Variants in ZNF385D observed in about 807,000 individuals in gnomAD.
The protein encoded by ZNF385D is zinc finger protein 385D, also known as zinc finger protein 659.
A neutral mutation model predicts 35.8 loss-of-function variants in ZNF385D; 15 were observed. The observed-to-expected ratio is 0.42, with a 90% confidence interval of 0.28 to 0.64. ZNF385D has a LOEUF of 0.64. ZNF385D is among the 30% of genes least tolerant of loss of function. The probability of loss-of-function intolerance (pLI) is 0.23; values close to 1 mark genes in which losing one functional copy is unlikely to be tolerated. For synonymous variants in ZNF385D, 212 were observed against 186.8 expected, an observed-to-expected ratio of 1.13 and a Z score of -1.10; for missense variants, 474 against 494.6, an observed-to-expected ratio of 0.96 and a Z score of 0.39.
At chr3:21,856,303 C>T (rs567910705) in intron 3 of ZNF385D, among the ~76,000 whole-genome samples, 1 of 152,034 alleles carries the variant, frequency 6.6e-6, no homozygotes, top group Non-Finnish European at 1.5e-5. Context: ...CCATGGACCC[C>T]TCTACTTTTC....
chr3:22,217,546 T>C lies in ZNF385D; in HGVS notation c.107-48511A>G, dbSNP rs376571592. ...GGTTATATTTTGAAGTACTGGATGT[T>C]GGGACTTTAACACATGAGCTTTTAT... On this transcript the variant is annotated intron_variant, in intron 2 of 5. Transcript: ENST00000494108. Among the ~76,000 whole-genome samples the C allele has an allele frequency of 1.8e-4, 28 of 152,314 alleles. 1 individual carries two copies. The South Asian group carries it at 5.4e-3, about 29-fold the overall frequency.
intron 3 of ZNF385D, among the ~76,000 whole-genome samples, chr3:22,049,216 A>T (rs1699193911): frequency 6.6e-6 from 1 of 151,970 alleles, no homozygotes; most frequent in Non-Finnish European, 1.5e-5. Context: ...GATTCGCTTG[A>T]ACCTGGGAGG....
intron 3 of ZNF385D, among the ~76,000 whole-genome samples, chr3:21,895,908 A>G (rs1309301250): frequency 6.6e-6 from 1 of 152,104 alleles, no homozygotes; most frequent in Admixed American, 6.5e-5. Context: ...GATTTACATT[A>G]AAATCAAAAA....
chr3:21,946,674 C>A (rs775494452), intron 3 of ZNF385D, among the ~76,000 whole-genome samples: 1 of 151,866 alleles, frequency 6.6e-6, no homozygotes, highest in Non-Finnish European at 1.5e-5. Context: ...TCTATTAAAA[C>A]TACAAATATT....
chr3:21,916,782 C>T (rs913200665), intron 3 of ZNF385D, among the ~76,000 whole-genome samples: 1 of 152,142 alleles, frequency 6.6e-6, no homozygotes, highest in African/African-American at 2.4e-5. Flanking sequence ...GTACAATAAA[C>T]GAAAGCACTG....
At chr3:21,529,909 G>T (rs1377223342) in intron 3 of ZNF385D, among the ~76,000 whole-genome samples, 1 of 152,148 alleles carries the variant, frequency 6.6e-6, no homozygotes, top group Non-Finnish European at 1.5e-5. Context: ...TTTAATGTGT[G>T]TTCCCAACAA....
At chr3:22,109,058 C>T (rs191363696) in intron 3 of ZNF385D, among the ~76,000 whole-genome samples, 2 of 152,008 alleles carry the variant, frequency 1.3e-5, no homozygotes, top group Admixed American at 6.6e-5. Context: ...TACAGACGAA[C>T]GACGCAATAC....
chr3:21,577,058 C>G (rs566702720), intron 2 of ZNF385D, among the ~76,000 whole-genome samples: 69 of 152,194 alleles, frequency 4.5e-4, no homozygotes, highest in Non-Finnish European at 8.2e-4. Flanking sequence ...AGAATAAGAA[C>G]TTAATCTATA....
chr3:22,305,096 T>C (rs1373720876), intron 2 of ZNF385D, among the ~76,000 whole-genome samples: 1 of 152,102 alleles, frequency 6.6e-6, no homozygotes, highest in Non-Finnish European at 1.5e-5. Context: ...GCTTTCGTCT[T>C]AGGTACCTTC....
At chr3:22,253,268 G>A (rs1700152397) in intron 2 of ZNF385D, among the ~76,000 whole-genome samples, 1 of 151,862 alleles carries the variant, frequency 6.6e-6, no homozygotes, top group Admixed American at 6.6e-5. Context: ...GGTAGGATGG[G>A]AAAAAGTTAG....
intron 3 of ZNF385D, among the ~76,000 whole-genome samples, chr3:22,066,530 C>G (rs564599076): frequency 0.01 from 690 of 67,368 alleles, 15 homozygotes; most frequent in African/African-American, 0.041. Context: ...TGAGATGGTT[C>G]CCTGTGTGTG....
At chr3:22,026,280 T>A (rs1329266159) in intron 3 of ZNF385D, among the ~76,000 whole-genome samples, 2 of 152,128 alleles carry the variant, frequency 1.3e-5, no homozygotes, top group Non-Finnish European at 2.9e-5. Context: ...CCTAAACCCC[T>A]TGAATGAAGG....
chr3:21,908,820 T>A lies in ZNF385D; in HGVS notation c.326-243792A>T, dbSNP rs73820186. The stretch of plus-strand genomic sequence containing the variant: ...AACAACAACCTTTGCCTGGGAAACA[T>A]GCAAATTATAAGCATGTAAATTTAC... On this transcript the variant is annotated intron_variant, in intron 3 of 5. Coordinates refer to the ZNF385D transcript ENST00000494108. 6.7e-3 allele frequency among the ~76,000 whole-genome samples: 1,027 copies of A among 152,170 alleles called. 11 individuals carry two copies. Among genetic ancestry groups the A allele is most frequent in the African/African-American group, 0.024 (976 of 41,530 alleles).
chr3:21,909,780 G>C (rs961672227), intron 3 of ZNF385D, among the ~76,000 whole-genome samples: 3 of 151,956 alleles, frequency 2.0e-5, no homozygotes, highest in Admixed American at 6.6e-5. Flanking sequence ...AATTTAACGA[G>C]TTTCCGTTTT....
rs1702078101 is a variant in ZNF385D, at chr3:21,951,778, C to T, written c.325+217039G>A. On this transcript the variant is annotated intron_variant, in intron 3 of 5. Transcript: ENST00000494108. ...TTAAATTTGTTCTATATATACAATG[C>T]ATTTTCTAAATTATTGGCTTAAAGG... 1.3e-5 allele frequency among the ~76,000 whole-genome samples: 2 copies of T among 151,576 alleles called. 1 individual carries two copies. Among genetic ancestry groups the T allele is most frequent in the African/African-American group, 4.9e-5 (2 of 40,994 alleles).
chr3:21,602,203 C>T (rs2064315591), intron 2 of ZNF385D, among the ~76,000 whole-genome samples: 1 of 151,998 alleles, frequency 6.6e-6, no homozygotes, highest in Admixed American at 6.6e-5. Flanking sequence ...GGGAAACTGC[C>T]CCCATGATTC....
chr3:22,071,967 T>G (rs1352590433), intron 3 of ZNF385D, among the ~76,000 whole-genome samples: 5 of 152,212 alleles, frequency 3.3e-5, no homozygotes, highest in Middle Eastern at 6.8e-3. Context: ...CCAAGAAACC[T>G]GAAGTAAACT....
chr3:21,806,744 A>C (rs1284618476), intron 3 of ZNF385D, among the ~76,000 whole-genome samples: 2 of 152,244 alleles, frequency 1.3e-5, no homozygotes, highest in African/African-American at 2.4e-5. Context: ...ACTGGTTTAC[A>C]AACTACCCTA....
chr3:21,441,737 T>C (rs1033608072), intron 4 of ZNF385D: 7 of 985,304 alleles, frequency 7.1e-6, no homozygotes, highest in South Asian at 4.7e-5. Context: ...GCACCTTTTT[T>C]TCCCCCTGCA....
Sources: gnomAD v4.1 joint callset for allele counts (sites outside exome capture counted in the v4.1 genomes callset) on GRCh38, gnomAD v4.1.1 for gene constraint, MANE v1.5 for transcripts, NCBI Gene and HGNC (gene_info 2026-07-23, HGNC 2026-07-21) for gene names.